The following SH2D3A variants were observed in gnomAD, a reference collection of about 807,000 sequenced individuals.
The protein encoded by SH2D3A is SH2 domain containing 3A, also known as SH2 domain-containing protein 3A.
Under a neutral mutation model 50.6 loss-of-function variants are expected in SH2D3A, and 46 were observed. That is an observed-to-expected ratio of 0.91 (90% confidence interval 0.72 to 1.16). The LOEUF is 1.16. SH2D3A is among the 50% of genes most tolerant of loss of function. The pLI is 0.00. For missense variants in SH2D3A, 783 were observed against 786.2 expected, an observed-to-expected ratio of 1.00 and a Z score of 0.05; for synonymous variants, 377 against 348.4, an observed-to-expected ratio of 1.08 and a Z score of -0.91.
chr19:6,753,788 G>T, intron 8 of SH2D3A, 147 bp from the exon 9 acceptor site: 1 of 976,260 alleles, frequency 1.0e-6, no homozygotes, highest in Non-Finnish European at 1.5e-6. Flanking sequence ...CGCCCCGTAT[G>T]GAGGGCGGGG....
chr19:6,754,332 C>T lies in SH2D3A; in HGVS notation c.1191G>A (p.Glu397=). The T allele has an allele frequency of 6.4e-7, 1 of 1,574,718 alleles. No individual in the cohort carries two copies. The highest frequency in any genetic ancestry group is 8.6e-7 in the Non-Finnish European group (1 of 1,166,818). The change falls in exon 7 of 10, where the codon GAG becomes GAA. Residue 397 remains glutamate, a synonymous_variant. Transcript: ENST00000245908. ...CCCCTGGCCGCAGCGCCAGCGCCAGCTCTACCAGTCCCCTCAGTGCGGCTG... is the reference window on the plus strand; with the variant it reads ...CCCCTGGCCGCAGCGCCAGCGCCAGTTCTACCAGTCCCCTCAGTGCGGCTG... ...ERAAALRGLV[E]LALALRPGAA... is the part of the protein sequence containing the mutation.
chr19:6,760,693 G>A lies in SH2D3A; in HGVS notation c.364C>T (p.Arg122Cys), dbSNP rs767313865. The change falls in exon 3 of 10, where the codon CGC (arginine) becomes TGC (cysteine). Residue 122 changes from arginine to cysteine, a missense_variant. Arg to Cys is a radical substitution (Grantham distance 180, BLOSUM62 -3). Coordinates refer to ENST00000245908, the MANE Select transcript of SH2D3A (RefSeq NM_005490.3). ...RPVTWQGPLR[R>C]SFSEDTLMDG... Reference sequence around the variant, plus strand: ...ATCAGGGTGTCCTCGCTAAAGCTGCGTCGCAGAGGCCCCTGCCAAGTCACA... The same window carrying A: ...ATCAGGGTGTCCTCGCTAAAGCTGCATCGCAGAGGCCCCTGCCAAGTCACA... 4.2e-5 allele frequency: 68 copies of A among 1,612,204 alleles called. No individual in the cohort carries two copies. The highest frequency in any genetic ancestry group is 5.3e-5 in the Non-Finnish European group (62 of 1,178,806).
Position 6,754,051 on chromosome 19 carries a change from C to G in SH2D3A, c.1384+1G>C. ...ATGCTAAGCCCCAGACCTTCACTTA[C>G]CAGCGCCCTCATCCAGAGCCCGCAT... On this transcript the variant is annotated splice_donor_variant, in intron 8 of 9. Coordinates refer to ENST00000245908, the MANE Select transcript of SH2D3A (RefSeq NM_005490.3). LOFTEE classifies it high-confidence loss of function. 1.3e-6 allele frequency: 2 copies of G among 1,599,940 alleles called. No homozygotes were observed. Among genetic ancestry groups the G allele is most frequent in the African/African-American group, 1.3e-5 (1 of 74,518 alleles).
At position 6,755,251 on chromosome 19, in the gene SH2D3A, G is replaced by T. The variant is rs907891679; in HGVS notation, c.561C>A (p.Ala187=). 1.3e-6 allele frequency: 2 copies of T among 1,530,668 alleles called. No homozygotes were observed. Among genetic ancestry groups the T allele is most frequent in the Non-Finnish European group, 1.8e-6 (2 of 1,139,268 alleles). The allele number at this position is 1,530,668 out of a possible 1,614,324, so 94.8% of individuals were successfully genotyped here. The change falls in exon 5 of 10, where the codon GCC becomes GCA. Residue 187 remains alanine, a synonymous_variant. Transcript: ENST00000245908. ...RTSSDPVLLK[A]PAPLGTVADS... ...CGGCAACAGTTCCCAGGGGAGCAGGGGCCTTCAGCAACACCGGGTCACTGC... is the reference window on the plus strand; with the variant it reads ...CGGCAACAGTTCCCAGGGGAGCAGGTGCCTTCAGCAACACCGGGTCACTGC...
chr19:6,754,309 C>G lies in SH2D3A; in HGVS notation c.1214G>C (p.Gly405Ala). 6.4e-7 allele frequency: 1 copy of G among 1,571,354 alleles called. No homozygotes were observed. Among genetic ancestry groups the G allele is most frequent in the Non-Finnish European group, 8.6e-7 (1 of 1,165,048 alleles). ...LVELALALRP[G>A]AAGDLPGLAA... ...CAGCCCGGGCAGGTCCCCCGCCGCC[C>G]CTGGCCGCAGCGCCAGCGCCAGCTC... The change falls in exon 7 of 10, where the codon GGG becomes GCG. Residue 405 changes from glycine (G) to alanine (A), a missense_variant. By Grantham distance (60) the Gly-to-Ala change is moderately conservative (BLOSUM62 0). Coordinates refer to ENST00000245908, the MANE Select transcript of SH2D3A (RefSeq NM_005490.3).
At chr19:6,763,883 T>C in intron 1 of SH2D3A, 67 bp from the exon 2 acceptor site, 1 of 463,454 alleles carries the variant, frequency 2.2e-6, no homozygotes. Context: ...TCTTCTTAAT[T>C]TTGGAGACAG....
intron 4 of SH2D3A, chr19:6,758,992 G>C (rs2144611404): frequency 6.6e-6 from 1 of 152,434 alleles, no homozygotes; most frequent in East Asian, 1.9e-4. Context: ...GGGAATAAAA[G>C]CCTGAGGGTT....
At position 6,755,208 on chromosome 19, in the gene SH2D3A, CGGA is replaced by C. The variant is rs781752436; in HGVS notation, c.601_603del (p.Ser201del). 6.3e-6 allele frequency: 10 copies of C among 1,576,500 alleles called. No homozygotes were observed. Among genetic ancestry groups the C allele is most frequent in the Non-Finnish European group, 8.6e-6 (10 of 1,159,470 alleles). ...GGTGCCTTGGCTTGAAGCTGCCCAT[CGGA>C]GGCCCTGAGACTGTCGGCAACAGTT... On this transcript the variant is annotated inframe_deletion, in exon 5 of 10. Coordinates refer to ENST00000245908, the MANE Select transcript of SH2D3A (RefSeq NM_005490.3).
chr19:6,760,905 CAGG>C lies in SH2D3A; in HGVS notation c.149_151del (p.Ser50del). On this transcript the variant is annotated inframe_deletion, in exon 3 of 10. Transcript: ENST00000245908. The stretch of plus-strand genomic sequence containing the variant: ...ATGGAGGGCTGAGCCCCGCCAGCGG[CAGG>C]AGATCACGGGGTTGCCCCCACGGGA... The C allele has an allele frequency of 6.2e-7, 1 of 1,614,212 alleles. No individual in the cohort carries two copies. The highest frequency in any genetic ancestry group is 8.5e-7 in the Non-Finnish European group (1 of 1,180,036).
chr19:6,761,481 C>T (rs1366541806), intron 2 of SH2D3A, among the ~76,000 whole-genome samples: 2 of 152,212 alleles, frequency 1.3e-5, no homozygotes, highest in African/African-American at 4.8e-5. Flanking sequence ...ATGTTTGTTA[C>T]AGCCACTAGC....
At chr19:6,753,978 C>T in intron 8 of SH2D3A, 74 bp downstream of exon 8, 1 of 1,454,330 alleles carries the variant, frequency 6.9e-7, no homozygotes, top group Non-Finnish European at 9.2e-7. Flanking sequence ...AGGGACTGGG[C>T]ATAGGACTAG....
intron 2 of SH2D3A, among the ~76,000 whole-genome samples, chr19:6,763,442 T>G (rs73920209): frequency 7.2e-5 from 11 of 152,074 alleles, no homozygotes; most frequent in African/African-American, 2.7e-4. Context: ...CAAGAGTAGT[T>G]TGGGGGCATT....
At position 6,763,117 on chromosome 19, in the gene SH2D3A, G is replaced by A. The variant is rs528766234; in HGVS notation, c.69+563C>T. Among the ~76,000 whole-genome samples the A allele has an allele frequency of 1.1e-4, 17 of 152,004 alleles. No homozygotes were observed. In the East Asian group the frequency reaches 3.1e-3, roughly 28 times the overall value. On this transcript the variant is annotated intron_variant, in intron 2 of 9. Coordinates refer to ENST00000245908, the MANE Select transcript of SH2D3A (RefSeq NM_005490.3). ...CTCGCTCTGTTACCCAGTCTGGAGT[G>A]CAGTGGCACAATTGTGGCTCACTAC...
At chr19:6,762,445 A>G (rs1312455478) in intron 2 of SH2D3A, among the ~76,000 whole-genome samples, 3 of 151,044 alleles carry the variant, frequency 2.0e-5, no homozygotes, top group Middle Eastern at 3.5e-3. Flanking sequence ...TCGGCCTCCC[A>G]AAGTGCTAGG....
At chr19:6,765,751 A>G (rs1403208644) in intron 1 of SH2D3A, among the ~76,000 whole-genome samples, 1 of 151,208 alleles carries the variant, frequency 6.6e-6, no homozygotes, top group Non-Finnish European at 1.5e-5. Context: ...CCGTCTCAAA[A>G]AAAAAAAAAA....
At chr19:6,757,472 C>A (rs1460560237) in intron 4 of SH2D3A, 1 of 152,098 alleles carries the variant, frequency 6.6e-6, no homozygotes, top group Non-Finnish European at 1.5e-5. Context: ...CGTGCAACAC[C>A]ACACCCAGCT....
At chr19:6,756,770 A>G (rs1969702923) in intron 4 of SH2D3A, among the ~76,000 whole-genome samples, 1 of 151,860 alleles carries the variant, frequency 6.6e-6, no homozygotes, top group Admixed American at 6.6e-5. Context: ...AATCCTCACA[A>G]TCTGAGCCCC....
intron 1 of SH2D3A, among the ~76,000 whole-genome samples, chr19:6,765,083 G>C (rs1970239371): frequency 6.6e-6 from 1 of 151,840 alleles, no homozygotes; most frequent in African/African-American, 2.4e-5. Context: ...GTTTCTCCAT[G>C]TTGGCCAGGC....
intron 4 of SH2D3A, 76 bp from the exon 5 acceptor site, chr19:6,755,391 G>C (rs1204026479): frequency 1.9e-6 from 2 of 1,033,530 alleles, no homozygotes. Flanking sequence ...GAGCTTCATC[G>C]GCTACCACCC....
Sources: allele counts gnomAD v4.1 joint callset (sites outside exome capture counted in the v4.1 genomes callset), GRCh38; gene constraint gnomAD v4.1.1; transcripts MANE v1.5; gene names NCBI Gene and HGNC (gene_info 2026-07-23, HGNC 2026-07-21).